Variants in TRPM3 observed in about 807,000 individuals in gnomAD.
TRPM3 encodes long transient receptor potential channel 3.
Under a neutral mutation model 181.2 loss-of-function variants are expected in TRPM3, and 77 were observed. That is an observed-to-expected ratio of 0.42 (90% confidence interval 0.35 to 0.51). The LOEUF is 0.51. Ranked by LOEUF, TRPM3 falls within the 20% of genes least tolerant of loss-of-function variation. The probability of loss-of-function intolerance (pLI) is 0.01; values close to 1 mark genes in which losing one functional copy is unlikely to be tolerated. For synonymous variants in TRPM3, 745 were observed against 796.4 expected (o/e 0.94, Z 1.09); for missense variants, 1,759 against 2,196.7 (o/e 0.80, Z 3.98).
In TRPM3 at chr9:71,317,640, CAAAA is replaced by C. The variant is rs58631084; in HGVS notation, c.183+129009_183+129012del. 6.3e-5 allele frequency among the ~76,000 whole-genome samples: 8 copies of C among 126,356 alleles called. 1 individual carries two copies. Among genetic ancestry groups the C allele is most frequent in the Non-Finnish European group, 1.2e-4 (7 of 59,926 alleles). The allele number at this position is 126,356 out of a possible 152,430, so 82.9% of individuals were successfully genotyped here. A position where few individuals can be genotyped will look rare whatever the true frequency, so the allele number is the denominator to read the frequency against. Reference sequence around the variant, plus strand: ...TGGATGACAGAGCAAGACCCTCTCTCAAAAAAAAAAAAAAGAAAAAGAAAAAATA... The same window carrying C: ...TGGATGACAGAGCAAGACCCTCTCTCAAAAAAAAAAGAAAAAGAAAAAATA... On this transcript the variant is annotated intron_variant, in intron 1 of 24. Coordinates refer to the TRPM3 transcript ENST00000357533.
rs866309980 is a variant in TRPM3, at chr9:70,843,129, T to A, written c.677-2A>T. 6 of 1,392,264 alleles carry A rather than the reference T, an allele frequency of 4.3e-6. No homozygotes were observed. The highest frequency in any genetic ancestry group is 4.0e-5 in the South Asian group (3 of 74,924). 86.2% of individuals were successfully genotyped at this position (1,392,264 alleles called of 1,614,324 possible). A position where few individuals can be genotyped will look rare whatever the true frequency, so the allele number is the denominator to read the frequency against. ...CATCGCCAACATGACGAATAACACCTAAAAAAAAAAGAGAAGCATTGATTT... is the reference window on the plus strand; with the variant it reads ...CATCGCCAACATGACGAATAACACCAAAAAAAAAAAGAGAAGCATTGATTT... On this transcript the variant is annotated splice_acceptor_variant, in intron 4 of 25. Transcript: ENST00000677713. LOFTEE classifies it high-confidence loss of function.
rs550732822 is a variant in TRPM3, at chr9:71,180,788, A to C, written c.183+265865T>G. ...GATTTGAAATTTTTTGACCCCAGTT[A>C]AATCTTCTAAGTCCCAAGATTAGGC... On this transcript the variant is annotated intron_variant, in intron 1 of 24. Transcript: ENST00000357533. 5.3e-5 allele frequency among the ~76,000 whole-genome samples: 8 copies of C among 152,252 alleles called. No individual in the cohort carries two copies. The South Asian group carries it at 1.7e-3, about 32-fold the overall frequency.
chr9:70,918,587 C>CATTATAATTTGTGGG (rs2096624556), intron 1 of TRPM3, among the ~76,000 whole-genome samples: 3 of 152,014 alleles, frequency 2.0e-5, no homozygotes, highest in African/African-American at 7.2e-5. Flanking sequence ...TGCAACACAA[C>CATTATAATTTGTGGG]ATACCAAAAA....
At chr9:71,254,786 T>C (rs2082573395) in intron 1 of TRPM3, among the ~76,000 whole-genome samples, 1 of 151,934 alleles carries the variant, frequency 6.6e-6, no homozygotes, top group South Asian at 2.1e-4. Flanking sequence ...AGATCAAACA[T>C]AATGCAATCT....
chr9:71,342,377 T>C (rs1221149917), intron 1 of TRPM3, among the ~76,000 whole-genome samples: 1 of 150,900 alleles, frequency 6.6e-6, no homozygotes, highest in East Asian at 1.9e-4. Flanking sequence ...AAACTATGAA[T>C]ATGCCCAAAT....
chr9:71,344,050 T>TGATA (rs1554880747), intron 1 of TRPM3, among the ~76,000 whole-genome samples: 9 of 149,360 alleles, frequency 6.0e-5, no homozygotes, highest in Non-Finnish European at 1.3e-4. Flanking sequence ...TAGATTAGAT[T>TGATA]GATAGATAGA....
chr9:71,333,321 T>C (rs2090341954), intron 1 of TRPM3, among the ~76,000 whole-genome samples: 1 of 151,910 alleles, frequency 6.6e-6, no homozygotes, highest in South Asian at 2.1e-4. Context: ...CTCAAATAGC[T>C]CCCAATAGCA....
At chr9:71,095,771 A>AG (rs2067063841) in intron 1 of TRPM3, among the ~76,000 whole-genome samples, 1 of 151,220 alleles carries the variant, frequency 6.6e-6, no homozygotes, top group African/African-American at 2.4e-5. Context: ...AAAAAAAAAA[A>AG]AAAAAAAGAA....
At chr9:70,979,427 G>T (rs1329129198) in intron 1 of TRPM3, among the ~76,000 whole-genome samples, 1 of 152,176 alleles carries the variant, frequency 6.6e-6, no homozygotes, top group Non-Finnish European at 1.5e-5. Flanking sequence ...AGGAGGCAGA[G>T]GGGAACATGA....
intron 1 of TRPM3, among the ~76,000 whole-genome samples, chr9:70,933,163 C>A (rs528026789): frequency 6.6e-6 from 1 of 152,000 alleles, no homozygotes; most frequent in Non-Finnish European, 1.5e-5. Context: ...GGGTTTGCAA[C>A]GTTTGTGGTT....
chr9:71,146,475 T>A (rs749231919), intron 1 of TRPM3, among the ~76,000 whole-genome samples: 2 of 152,180 alleles, frequency 1.3e-5, no homozygotes, highest in Non-Finnish European at 2.9e-5. Context: ...TCTGCTACAA[T>A]TGTCCTAAAA....
intron 1 of TRPM3, among the ~76,000 whole-genome samples, chr9:71,271,349 A>G (rs1385993477): frequency 6.6e-6 from 1 of 152,150 alleles, no homozygotes; most frequent in Non-Finnish European, 1.5e-5. Flanking sequence ...TTGAAGGCAG[A>G]AACTTTGCCT....
intron 7 of TRPM3, among the ~76,000 whole-genome samples, chr9:70,766,151 T>C (rs1250370318): frequency 6.6e-6 from 1 of 152,196 alleles, no homozygotes; most frequent in South Asian, 2.1e-4. Context: ...ACTTATGATC[T>C]GGAGCTTTGT....
intron 1 of TRPM3, among the ~76,000 whole-genome samples, chr9:70,934,499 C>A (rs2096805975): frequency 6.6e-6 from 1 of 152,172 alleles, no homozygotes. Flanking sequence ...AGGGAAAAAA[C>A]ATAAGCTTGG....
At chr9:70,772,519 C>T (rs764955894) in intron 7 of TRPM3, among the ~76,000 whole-genome samples, 19 of 151,962 alleles carry the variant, frequency 1.3e-4, no homozygotes, top group Non-Finnish European at 2.2e-4. Flanking sequence ...GACAGGGTTT[C>T]GCCATGTTGC....
chr9:70,574,618 T>C (rs960011108), intron 22 of TRPM3, among the ~76,000 whole-genome samples: 1 of 152,224 alleles, frequency 6.6e-6, no homozygotes, highest in African/African-American at 2.4e-5. Flanking sequence ...TACTGGGCTG[T>C]GAGCTCCCAA....
intron 8 of TRPM3, among the ~76,000 whole-genome samples, chr9:70,750,553 G>A (rs1302247764): frequency 6.6e-6 from 1 of 152,150 alleles, no homozygotes; most frequent in Non-Finnish European, 1.5e-5. Context: ...CAGAGTAATG[G>A]CCCTGGTGAA....
At chr9:71,440,197 G>C (rs906539074) in intron 1 of TRPM3, among the ~76,000 whole-genome samples, 2 of 152,068 alleles carry the variant, frequency 1.3e-5, no homozygotes, top group Admixed American at 1.3e-4. Context: ...CACTAGGAAA[G>C]GAAGAAGGAT....
chr9:71,034,328 AAT>A (rs1220166922), intron 1 of TRPM3, among the ~76,000 whole-genome samples: 1 of 152,100 alleles, frequency 6.6e-6, no homozygotes, highest in African/African-American at 2.4e-5. Flanking sequence ...TTATTAACTG[AAT>A]ATGTTTCTTT....
Sources: gnomAD v4.1 joint callset for allele counts (sites outside exome capture counted in the v4.1 genomes callset) on GRCh38, gnomAD v4.1.1 for gene constraint, MANE v1.5 for transcripts, NCBI Gene and HGNC (gene_info 2026-07-23, HGNC 2026-07-21) for gene names.